Variants in CLSTN1 observed in about 807,000 individuals in gnomAD.
The protein encoded by CLSTN1 is calsyntenin-1.
CLSTN1 carries 28 observed loss-of-function variants against 108.3 expected under a neutral mutation model. The observed-to-expected ratio is 0.26, with a 90% CI of 0.19 to 0.35. The LOEUF is 0.35. Among genes scored for constraint, CLSTN1 ranks in the 10% least tolerant of loss-of-function variants. The probability of loss-of-function intolerance (pLI) is 1.00; values close to 1 mark genes in which losing one functional copy is unlikely to be tolerated. For missense variants in CLSTN1, 1,157 were observed against 1,302.6 expected (o/e 0.89, Z 1.72); for synonymous variants, 524 against 534.9 (o/e 0.98, Z 0.28).
chr1:9,795,324 C>A (rs1374969134), intron 1 of CLSTN1, among the ~76,000 whole-genome samples: 1 of 150,990 alleles, frequency 6.6e-6, no homozygotes, highest in Non-Finnish European at 1.5e-5. Flanking sequence ...CGCCACCACG[C>A]CCGGCTAATT....
At position 9,734,860 on chromosome 1, in the gene CLSTN1, C is replaced by T. The variant is rs1425595056; in HGVS notation, c.2110+88G>A. The T allele has an allele frequency of 1.5e-5, 17 of 1,143,402 alleles. No individual in the cohort carries two copies. The Middle Eastern group carries it at 9.0e-4, about 61-fold the overall frequency. 70.8% of individuals were successfully genotyped at this position (1,143,402 alleles called of 1,614,324 possible). The stretch of plus-strand genomic sequence containing the variant: ...GAAAGATTAAAACCTCCCCAAATCC[C>T]ACAGAGACAAAGAGCCCCGCCAAGT... On this transcript the variant is annotated intron_variant, in intron 14 of 18. Transcript: ENST00000377298. The surrounding 1 kb of genome is among the most constrained non-coding windows in gnomAD (Gnocchi z 4.8).
chr1:9,732,030 G>A (rs1208003233), intron 16 of CLSTN1, 134 bp from the exon 17 acceptor site: 1 of 891,092 alleles, frequency 1.1e-6, no homozygotes, highest in Non-Finnish European at 1.6e-6. Flanking sequence ...GGCAAACGGA[G>A]CTACGGGAAA....
intron 7 of CLSTN1, among the ~76,000 whole-genome samples, chr1:9,746,982 C>T (rs1055858834): frequency 5.3e-5 from 8 of 151,526 alleles, no homozygotes; most frequent in African/African-American, 9.7e-5. Context: ...GAGTTGGAGA[C>T]GAGCCTCGCC....
chr1:9,745,180 G>T (rs907743993), intron 7 of CLSTN1, among the ~76,000 whole-genome samples: 2 of 144,656 alleles, frequency 1.4e-5, no homozygotes, highest in African/African-American at 2.5e-5. Flanking sequence ...AGTGAGCCGA[G>T]ATCGCACCCC....
At chr1:9,803,038 G>T (rs1654354095) in intron 1 of CLSTN1, among the ~76,000 whole-genome samples, 1 of 151,956 alleles carries the variant, frequency 6.6e-6, no homozygotes, top group African/African-American at 2.4e-5. Flanking sequence ...TGTCCAGGCT[G>T]GTCTCAAACT....
At chr1:9,779,217 A>AC (rs1653121388) in intron 1 of CLSTN1, among the ~76,000 whole-genome samples, 1 of 152,124 alleles carries the variant, frequency 6.6e-6, no homozygotes, top group Non-Finnish European at 1.5e-5. Flanking sequence ...TTGACTTTGC[A>AC]ATCAGGTTGA....
chr1:9,746,302 T>A (rs1055041775), intron 7 of CLSTN1, among the ~76,000 whole-genome samples: 1 of 152,156 alleles, frequency 6.6e-6, no homozygotes, highest in Admixed American at 6.5e-5. Context: ...TTAAAAAAAT[T>A]TTTTTTTGTC....
At chr1:9,787,682 G>A (rs927352679) in intron 1 of CLSTN1, among the ~76,000 whole-genome samples, 6 of 151,454 alleles carry the variant, frequency 4.0e-5, no homozygotes, top group East Asian at 2.0e-4. Context: ...GATTACAGGC[G>A]TGAGCCTTCT....
chr1:9,764,009 T>G (rs1214368105), intron 2 of CLSTN1, among the ~76,000 whole-genome samples: 1 of 152,044 alleles, frequency 6.6e-6, no homozygotes, highest in Non-Finnish European at 1.5e-5. Flanking sequence ...AGTTCAAGGT[T>G]GGGCATCTGC....
intron 2 of CLSTN1, 108 bp from the exon 3 acceptor site, chr1:9,756,618 G>C: frequency 2.3e-6 from 2 of 872,456 alleles, no homozygotes; most frequent in Middle Eastern, 4.6e-4. Flanking sequence ...TCCACACCAA[G>C]CTCAGCGACC....
chr1:9,744,643 C>T lies in CLSTN1; in HGVS notation c.986G>A (p.Gly329Asp), dbSNP rs1651162891. ...YSEKSLHRLCGAAAGTAELLP... is the reference protein window; with the variant it reads ...YSEKSLHRLCDAAAGTAELLP... Reference sequence around the variant, plus strand: ...CAGCTCGGCAGTGCCCGCGGCCGCACCTGAAGCCACAGTGCTCGGTGAAAC... The same window carrying T: ...CAGCTCGGCAGTGCCCGCGGCCGCATCTGAAGCCACAGTGCTCGGTGAAAC... The change falls in exon 8 of 19, where the codon GGT becomes GAT. Residue 329 changes from glycine to aspartate, a missense_variant and splice_region_variant. Gly to Asp is a moderately conservative substitution (Grantham distance 94, BLOSUM62 -1). Coordinates refer to ENST00000377298, the MANE Select transcript of CLSTN1 (RefSeq NM_001009566.3). The T allele has an allele frequency of 8.7e-6, 14 of 1,606,398 alleles. No individual in the cohort carries two copies. Among genetic ancestry groups the T allele is most frequent in the Non-Finnish European group, 1.1e-5 (13 of 1,178,524 alleles).
rs778399511 is a variant in CLSTN1, at chr1:9,731,352, C to A, written c.2602G>T (p.Val868Phe). The change falls in exon 18 of 19, where the codon GTC becomes TTC. Residue 868 changes from valine (V) to phenylalanine (F), a missense_variant. Coordinates refer to ENST00000377298, the MANE Select transcript of CLSTN1 (RefSeq NM_001009566.3). The part of the protein sequence containing the change: ...STATVVIVVC[V>F]SFLVFMIILG... The stretch of plus-strand genomic sequence containing the variant: ...ATAATCATGAACACCAGGAAGCTGA[C>A]GCACACCACGATCACAACTGTCGCA... The A allele has an allele frequency of 5.6e-6, 9 of 1,614,264 alleles. No individual in the cohort carries two copies. Among genetic ancestry groups the A allele is most frequent in the Admixed American group, 3.3e-5 (2 of 60,036 alleles).
intron 11 of CLSTN1, among the ~76,000 whole-genome samples, chr1:9,736,918 T>TA (rs1193345156): frequency 1.3e-5 from 2 of 151,930 alleles, no homozygotes; most frequent in African/African-American, 2.4e-5. Context: ...ACTAAAAATA[T>TA]AAATATTAGC....
At position 9,729,776 on chromosome 1, in the gene CLSTN1, C is replaced by G. The variant is rs1269855867; in HGVS notation, c.*732G>C. On this transcript the variant is annotated 3_prime_UTR_variant, in exon 19 of 19. Coordinates refer to ENST00000377298, the MANE Select transcript of CLSTN1 (RefSeq NM_001009566.3). ...CAAGGCCCGGCCACTTGTAGCTACCCTGATCCAGTCTCTTGAGCAGCACAG... is the reference window on the plus strand; with the variant it reads ...CAAGGCCCGGCCACTTGTAGCTACCGTGATCCAGTCTCTTGAGCAGCACAG... The G allele has an allele frequency of 6.6e-6, 1 of 152,566 alleles. No homozygotes were observed. The highest frequency in any genetic ancestry group is 1.9e-4 in the East Asian group (1 of 5,192). 9.5% of individuals were successfully genotyped at this position (152,566 alleles called of 1,614,324 possible).
chr1:9,813,816 T>C lies in CLSTN1; in HGVS notation c.91+9827A>G, dbSNP rs140734540. On this transcript the variant is annotated intron_variant, in intron 1 of 18. Coordinates refer to ENST00000377298, the MANE Select transcript of CLSTN1 (RefSeq NM_001009566.3). ...TCAAAAGTACTATATAAGAAACATGTTGGCTGGGCGCGGTGGCTCGCACCT... is the reference window on the plus strand; with the variant it reads ...TCAAAAGTACTATATAAGAAACATGCTGGCTGGGCGCGGTGGCTCGCACCT... Among the ~76,000 whole-genome samples, 6 of 152,250 alleles carry C rather than the reference T, an allele frequency of 3.9e-5. No homozygotes were observed. The East Asian group carries it at 1.2e-3, about 29-fold the overall frequency.
rs1653091856 is a variant in CLSTN1, at chr1:9,778,835, T to TA, written c.92-5442dup. ...TTCGAGACCAGCCTGGCCAACATGG[T>TA]AAAACCCCGTCTGTACTAAAAAAAA... On this transcript the variant is annotated intron_variant, in intron 1 of 18. Transcript: ENST00000377298. 2.6e-5 allele frequency among the ~76,000 whole-genome samples: 4 copies of TA among 150,994 alleles called. No homozygotes were observed. In the South Asian group the frequency reaches 6.3e-4, roughly 24 times the overall value.
In CLSTN1 at chr1:9,776,862, T is replaced by TTATCTATCATCTATCAGCATTTATCTATC. The variant is rs1553179995; in HGVS notation, c.92-3469_92-3468insGATAGATAAATGCTGATAGATGATAGATA. ...GCATTTATCTATCATCTATCAGCAT[T>TTATCTATCATCTATCAGCATTTATCTATC]TATCTATCTATCTATCTATCTATCT... On this transcript the variant is annotated intron_variant, in intron 1 of 18. Transcript: ENST00000377298. Among the ~76,000 whole-genome samples, 615 of 139,934 alleles carry TTATCTATCATCTATCAGCATTTATCTATC rather than the reference T, an allele frequency of 4.4e-3. 9 individuals are homozygous for TTATCTATCATCTATCAGCATTTATCTATC. Among genetic ancestry groups the TTATCTATCATCTATCAGCATTTATCTATC allele is most frequent in the Middle Eastern group, 0.022 (6 of 278 alleles). 91.8% of individuals were successfully genotyped at this position (139,934 alleles called of 152,430 possible).
At chr1:9,772,797 C>G (rs1380751642) in intron 2 of CLSTN1, among the ~76,000 whole-genome samples, 1 of 152,208 alleles carries the variant, frequency 6.6e-6, no homozygotes, top group African/African-American at 2.4e-5. Context: ...CGCTCAACTT[C>G]TTCAAGTAAG....
intron 16 of CLSTN1, among the ~76,000 whole-genome samples, chr1:9,732,778 C>T (rs1287135364): frequency 1.3e-5 from 2 of 152,214 alleles, no homozygotes; most frequent in African/African-American, 2.4e-5. Context: ...CCTGCCCGTG[C>T]GGGTCCCTGC....
Sources: allele counts gnomAD v4.1 joint callset (sites outside exome capture counted in the v4.1 genomes callset), GRCh38; gene constraint gnomAD v4.1.1; non-coding constraint Gnocchi (gnomAD v3.1); transcripts MANE v1.5; gene names NCBI Gene and HGNC (gene_info 2026-07-23, HGNC 2026-07-21).